The following FUBP1 variants were observed in gnomAD, a reference collection of about 807,000 sequenced individuals.
FUBP1 encodes far upstream element-binding protein 1.
A neutral mutation model predicts 94.9 loss-of-function variants in FUBP1; 16 were observed. That is an observed-to-expected ratio of 0.17 (90% CI 0.11 to 0.26). FUBP1 has a LOEUF of 0.26. Ranked by LOEUF, FUBP1 falls within the 10% of genes least tolerant of loss-of-function variation. The pLI, the probability that FUBP1 is intolerant of heterozygous loss-of-function variation, is 1.00. For missense variants in FUBP1, 583 were observed against 808.6 expected, an observed-to-expected ratio of 0.72 and a Z score of 3.38; for synonymous variants, 279 against 254.9, an observed-to-expected ratio of 1.09 and a Z score of -0.90.
chr1:77,946,291 C>T lies in FUBP1; in HGVS notation c.*2475G>A. 6.6e-6 allele frequency among the ~76,000 whole-genome samples: 1 copy of T among 150,992 alleles called. No individual in the cohort carries two copies. Among genetic ancestry groups the T allele is most frequent in the Admixed American group, 6.6e-5 (1 of 15,174 alleles). On this transcript the variant is annotated 3_prime_UTR_variant, in exon 20 of 20. Coordinates refer to ENST00000370768, the MANE Select transcript of FUBP1 (RefSeq NM_003902.5). ...GTAGTTCAATTACTGCAGCAATCTA[C>T]TCATCATTTTCTTGTCTTAATAAAA... is the stretch of plus-strand genomic sequence containing the variant.
chr1:77,965,234 G>T lies in FUBP1; in HGVS notation c.474-3C>A, dbSNP rs201322936. 7 of 1,588,742 alleles carry T rather than the reference G, an allele frequency of 4.4e-6. No individual in the cohort carries two copies. The African/African-American group carries it at 9.4e-5, about 21-fold the overall frequency. The stretch of plus-strand genomic sequence containing the variant: ...GGTCCAGTAACCGTTTTGCTGACCT[G>T]TTAACAAATTAATATTTAAATAGTA... On this transcript the variant is annotated splice_polypyrimidine_tract_variant and splice_region_variant and intron_variant, in intron 7 of 19. Coordinates refer to ENST00000370768, the MANE Select transcript of FUBP1 (RefSeq NM_003902.5).
intron 1 of FUBP1, among the ~76,000 whole-genome samples, chr1:77,976,644 C>A (rs1361478683): frequency 6.6e-6 from 1 of 152,116 alleles, no homozygotes; most frequent in East Asian, 1.9e-4. Context: ...CAGGCACAGG[C>A]CACCAAGCCC....
chr1:77,977,641 A>G (rs1658926004), intron 1 of FUBP1, among the ~76,000 whole-genome samples: 1 of 152,238 alleles, frequency 6.6e-6, no homozygotes, highest in South Asian at 2.1e-4. Flanking sequence ...TAGTTCCCTT[A>G]AGTTTTACAA....
chr1:77,956,487 A>G, intron 17 of FUBP1, 85 bp downstream of exon 17: 1 of 697,608 alleles, frequency 1.4e-6, no homozygotes, highest in Non-Finnish European at 2.2e-6. Flanking sequence ...AATGTCAGAA[A>G]TTTTAGGTAT....
At chr1:77,964,597 T>C (rs1055394330) in intron 10 of FUBP1, 49 bp downstream of exon 10, 2 of 1,010,168 alleles carry the variant, frequency 2.0e-6, no homozygotes, top group African/African-American at 1.6e-5. Flanking sequence ...AACACTATTA[T>C]ATTTATGAAT....
At chr1:77,958,226 TCA>T (rs1216085497) in intron 16 of FUBP1, among the ~76,000 whole-genome samples, 2 of 152,324 alleles carry the variant, frequency 1.3e-5, no homozygotes, top group South Asian at 2.1e-4. Flanking sequence ...AAAACCAGTC[TCA>T]CAGTTACAAA....
rs1655222561 is a variant in FUBP1, at chr1:77,960,371, T to C, written c.1469A>G (p.Asn490Ser). 1 of 1,609,382 alleles carries C rather than the reference T, an allele frequency of 6.2e-7. No individual in the cohort carries two copies. The highest frequency in any genetic ancestry group is 1.3e-5 in the African/African-American group (1 of 74,496). Residue 490 changes from asparagine (N) to serine (S), a missense_variant, in exon 15 of 20, where the codon AAT becomes AGT. Coordinates refer to ENST00000370768, the MANE Select transcript of FUBP1 (RefSeq NM_003902.5). The part of the protein sequence containing the change: ...PMGPYNPAPY[N>S]PGPPGPAPHG... ...AGGAGCCGGGCCTGGTGGTCCAGGA[T>C]TATAAGGTGCAGGGTTGTATGGTCC...
chr1:77,954,950 A>AT (rs1312029848), intron 18 of FUBP1, among the ~76,000 whole-genome samples: 1 of 152,190 alleles, frequency 6.6e-6, no homozygotes, highest in East Asian at 1.9e-4. Flanking sequence ...CGCCTGACAC[A>AT]TTAAAATTTA....
intron 2 of FUBP1, among the ~76,000 whole-genome samples, chr1:77,968,618 T>G (rs1447490330): frequency 6.7e-6 from 1 of 149,838 alleles, no homozygotes; most frequent in Non-Finnish European, 1.5e-5. Flanking sequence ...AAAGTGTATC[T>G]GACAGTGACC....
chr1:77,956,823 T>TA (rs375222450), intron 16 of FUBP1, 123 bp from the exon 17 acceptor site: 663 of 553,976 alleles, frequency 1.2e-3, no homozygotes, highest in Non-Finnish European at 1.8e-3. Context: ...ACTAGAACAT[T>TA]AAAAAAAGTA....
intron 1 of FUBP1, among the ~76,000 whole-genome samples, chr1:77,978,246 G>C (rs762208945): frequency 2.4e-4 from 36 of 152,220 alleles, no homozygotes; most frequent in Non-Finnish European, 4.3e-4. Flanking sequence ...GTCAGTTTAC[G>C]ACTCTGAACT....
intron 1 of FUBP1, among the ~76,000 whole-genome samples, chr1:77,975,115 T>C (rs1217129284): frequency 6.6e-6 from 1 of 152,274 alleles, no homozygotes; most frequent in Non-Finnish European, 1.5e-5. Context: ...TTTTCTAATA[T>C]TTCTGATCCA....
rs1006568924 is a variant in FUBP1, at chr1:77,949,863, CATA to C, written c.1781-566_1781-564del. Among the ~76,000 whole-genome samples, 33 of 152,268 alleles carry C rather than the reference CATA, an allele frequency of 2.2e-4. 1 individual carries two copies. The highest frequency in any genetic ancestry group is 6.3e-4 in the African/African-American group (26 of 41,548). On this transcript the variant is annotated intron_variant, in intron 18 of 19. Coordinates refer to ENST00000370768, the MANE Select transcript of FUBP1 (RefSeq NM_003902.5). ...CCTATAAAGTGTATGTACACACACA[CATA>C]ATAAGATGTTAAAAGTATTAATAAT...
At chr1:77,979,080 C>T (rs1659344196), upstream of FUBP1, 5 of 1,396,520 alleles carry the variant, frequency 3.6e-6, no homozygotes, top group South Asian at 1.4e-5. Flanking sequence ...AAGAAAATGG[C>T]GGCCGTCGAA....
intron 17 of FUBP1, 124 bp downstream of exon 17, chr1:77,956,448 G>C (rs1401655202): frequency 3.5e-6 from 2 of 577,418 alleles, no homozygotes; most frequent in Non-Finnish European, 5.8e-6. Context: ...ATTTAAAAAA[G>C]GAAAAGTCTG....
At chr1:77,960,163 C>A (rs768878570) in intron 16 of FUBP1, 21 bp downstream of exon 16, 3 of 1,533,452 alleles carry the variant, frequency 2.0e-6, no homozygotes, top group African/African-American at 2.8e-5. Flanking sequence ...AGATAACACA[C>A]AAATAATAAG....
chr1:77,954,712 A>C (rs1654126746), intron 18 of FUBP1, among the ~76,000 whole-genome samples: 1 of 152,224 alleles, frequency 6.6e-6, no homozygotes, highest in African/African-American at 2.4e-5. Flanking sequence ...GGTATGTAAT[A>C]ATTTTAAATG....
chr1:77,952,909 G>C (rs954242745), intron 18 of FUBP1, among the ~76,000 whole-genome samples: 1 of 151,008 alleles, frequency 6.6e-6, no homozygotes, highest in Non-Finnish European at 1.5e-5. Flanking sequence ...AGGCTGAGGC[G>C]GGTGGATCAC....
upstream of FUBP1, chr1:77,979,153 C>A (rs1659361032): frequency 5.9e-5 from 46 of 781,540 alleles, 1 homozygote; most frequent in South Asian, 8.4e-4. Flanking sequence ...GGAACAAAAT[C>A]TCGCGATGTT....
Sources: gnomAD v4.1 joint callset for allele counts (sites outside exome capture counted in the v4.1 genomes callset) on GRCh38, gnomAD v4.1.1 for gene constraint, MANE v1.5 for transcripts, NCBI Gene and HGNC (gene_info 2026-07-23, HGNC 2026-07-21) for gene names.